Variants in GNA14 observed in about 807,000 individuals in gnomAD.
The protein encoded by GNA14 is guanine nucleotide-binding protein subunit alpha-14.
In GNA14, 50 loss-of-function variants were observed where a neutral mutation model predicts 42.0. The observed-to-expected ratio is 1.19, with a 90% confidence interval of 0.95 to 1.51. The LOEUF (loss-of-function observed/expected upper bound fraction) is 1.51. GNA14 is among the 40% of genes most tolerant of loss of function. The probability of loss-of-function intolerance (pLI) is 0.00; values close to 1 mark genes in which losing one functional copy is unlikely to be tolerated. For missense variants in GNA14, 473 were observed against 446.2 expected (o/e 1.06, Z -0.54); for synonymous variants, 173 against 163.1 (o/e 1.06, Z -0.46).
At chr9:77,491,745 G>C (rs1836779249) in intron 2 of GNA14, among the ~76,000 whole-genome samples, 1 of 152,122 alleles carries the variant, frequency 6.6e-6, no homozygotes, top group African/African-American at 2.4e-5. Context: ...TCTCAGTAAT[G>C]GACAGATCAT....
intron 1 of GNA14, among the ~76,000 whole-genome samples, chr9:77,625,262 C>G (rs1453644357): frequency 6.6e-6 from 1 of 151,920 alleles, no homozygotes; most frequent in Non-Finnish European, 1.5e-5. Context: ...AAGACCAAAC[C>G]TACATTTGAT....
At chr9:77,633,615 A>G (rs1824133068) in intron 1 of GNA14, among the ~76,000 whole-genome samples, 1 of 152,218 alleles carries the variant, frequency 6.6e-6, no homozygotes, top group Admixed American at 6.5e-5. Context: ...AGATAAATTT[A>G]GCAATTCAGA....
intron 1 of GNA14, among the ~76,000 whole-genome samples, chr9:77,614,881 G>A (rs1046584158): frequency 7.9e-5 from 12 of 152,326 alleles, no homozygotes; most frequent in East Asian, 3.9e-4. Context: ...CAAAGAAATC[G>A]TCAGGGGTGG....
intron 2 of GNA14, among the ~76,000 whole-genome samples, chr9:77,516,765 T>A (rs1837265690): frequency 6.6e-6 from 1 of 152,082 alleles, no homozygotes; most frequent in Admixed American, 6.5e-5. Context: ...GTAACACAGG[T>A]CTTGACCTGG....
intron 1 of GNA14, among the ~76,000 whole-genome samples, chr9:77,613,148 A>C (rs920222224): frequency 4.6e-5 from 7 of 152,204 alleles, no homozygotes; most frequent in African/African-American, 1.7e-4. Flanking sequence ...CCAGGGCCCC[A>C]TCTCCATGAC....
intron 2 of GNA14, among the ~76,000 whole-genome samples, chr9:77,464,349 A>ATGTGTGTGTG (rs1309595416): frequency 9.8e-5 from 10 of 101,958 alleles, no homozygotes; most frequent in Admixed American, 3.8e-4. Flanking sequence ...GTGTGTGTGT[A>ATGTGTGTGTG]TATGTGTGTG....
intron 1 of GNA14, among the ~76,000 whole-genome samples, chr9:77,628,615 C>T (rs1015871065): frequency 2.0e-5 from 3 of 152,014 alleles, no homozygotes; most frequent in African/African-American, 7.2e-5. Context: ...CTTGACCAAC[C>T]CGACAAAAAC....
At chr9:77,512,237 C>T (rs1414756535) in intron 2 of GNA14, among the ~76,000 whole-genome samples, 1 of 152,212 alleles carries the variant, frequency 6.6e-6, no homozygotes, top group African/African-American at 2.4e-5. Context: ...ATACACTCCA[C>T]ACCCCCAGGA....
At chr9:77,605,457 CT>C (rs1016487076) in intron 1 of GNA14, among the ~76,000 whole-genome samples, 4 of 152,186 alleles carry the variant, frequency 2.6e-5, no homozygotes, top group African/African-American at 9.7e-5. Context: ...CTTCCTCCCA[CT>C]TTTCTCCCCC....
intron 2 of GNA14, among the ~76,000 whole-genome samples, chr9:77,485,702 TA>T (rs200190224): frequency 2.6e-4 from 39 of 151,534 alleles, no homozygotes; most frequent in Non-Finnish European, 4.0e-4. Flanking sequence ...AGCAACCATT[TA>T]AAAAAAAACA....
intron 2 of GNA14, among the ~76,000 whole-genome samples, chr9:77,468,181 G>C (rs1426090959): frequency 6.6e-6 from 1 of 152,170 alleles, no homozygotes; most frequent in Admixed American, 6.5e-5. Context: ...GGACATGGGG[G>C]CAGGGGCATG....
chr9:77,508,879 A>C (rs1255159978), intron 2 of GNA14, among the ~76,000 whole-genome samples: 2 of 152,242 alleles, frequency 1.3e-5, no homozygotes, highest in African/African-American at 4.8e-5. Context: ...CAAGGAGTAT[A>C]ATTTCTGGTA....
At chr9:77,477,383 T>C (rs1206958099) in intron 2 of GNA14, among the ~76,000 whole-genome samples, 1 of 152,016 alleles carries the variant, frequency 6.6e-6, no homozygotes, top group African/African-American at 2.4e-5. Flanking sequence ...AAAACAGATA[T>C]GTTAAGTAAA....
chr9:77,490,950 G>C (rs1836763472), intron 2 of GNA14, among the ~76,000 whole-genome samples: 1 of 152,240 alleles, frequency 6.6e-6, no homozygotes, highest in Non-Finnish European at 1.5e-5. Flanking sequence ...CGTCTCACAA[G>C]GAGAGAATCC....
chr9:77,536,183 C>A (rs1169335143), intron 1 of GNA14, among the ~76,000 whole-genome samples: 1 of 152,102 alleles, frequency 6.6e-6, no homozygotes, highest in Admixed American at 6.5e-5. Flanking sequence ...AGACAGGGTT[C>A]ATGGCTGCTG....
chr9:77,560,995 C>T (rs1488394405), intron 1 of GNA14, among the ~76,000 whole-genome samples: 2 of 152,142 alleles, frequency 1.3e-5, no homozygotes, highest in Non-Finnish European at 2.9e-5. Flanking sequence ...CACATAAGAC[C>T]GTCCTCTTCA....
At chr9:77,490,807 G>A (rs182965955) in intron 2 of GNA14, among the ~76,000 whole-genome samples, 58 of 152,326 alleles carry the variant, frequency 3.8e-4, no homozygotes, top group African/African-American at 1.4e-3. Flanking sequence ...CTCTGGCCTT[G>A]GCCAGCCCAG....
chr9:77,596,057 G>C (rs1209183055), intron 1 of GNA14, among the ~76,000 whole-genome samples: 2 of 151,924 alleles, frequency 1.3e-5, no homozygotes, highest in Non-Finnish European at 2.9e-5. Flanking sequence ...ATTTCTAAGT[G>C]CACTGCGTAT....
chr9:77,436,798 A>G (rs1457401810), intron 2 of GNA14, among the ~76,000 whole-genome samples: 1 of 152,226 alleles, frequency 6.6e-6, no homozygotes, highest in African/African-American at 2.4e-5. Flanking sequence ...TCTATTGCAA[A>G]TAATAGGTGT....
Sources: allele counts gnomAD v4.1 joint callset (sites outside exome capture counted in the v4.1 genomes callset), GRCh38; gene constraint gnomAD v4.1.1; transcripts MANE v1.5; gene names NCBI Gene and HGNC (gene_info 2026-07-23, HGNC 2026-07-21).